PXDNL: variants seen among roughly 807,000 people sequenced by gnomAD.
PXDNL encodes the protein probable oxidoreductase PXDNL.
In PXDNL, 145 loss-of-function variants were observed where a neutral mutation model predicts 150.8. The observed-to-expected ratio is 0.96, with a 90% CI of 0.84 to 1.10. The LOEUF (loss-of-function observed/expected upper bound fraction) is 1.10. Among genes scored for constraint, PXDNL ranks in the 50% least tolerant of loss-of-function variants. The pLI is 0.00. For missense variants in PXDNL, 2,087 were observed against 1,873.9 expected (o/e 1.11, Z -2.10); for synonymous variants, 757 against 725.7 (o/e 1.04, Z -0.69).
intron 12 of PXDNL, among the ~76,000 whole-genome samples, chr8:51,445,866 G>A (rs1303319166): frequency 1.3e-5 from 2 of 151,966 alleles, no homozygotes; most frequent in Non-Finnish European, 1.5e-5. Context: ...GTTTGCCAGG[G>A]CACGTCATAG....
chr8:51,438,066 AAAAAT>A (rs1252658607), intron 12 of PXDNL, among the ~76,000 whole-genome samples: 3 of 152,216 alleles, frequency 2.0e-5, no homozygotes, highest in African/African-American at 4.8e-5. Flanking sequence ...AATAGCTGCA[AAAAAT>A]AAAATAAAAT....
chr8:51,744,001 GGA>G (rs1235628632), intron 1 of PXDNL, among the ~76,000 whole-genome samples: 3 of 117,428 alleles, frequency 2.6e-5, no homozygotes, highest in East Asian at 2.6e-4. Context: ...GAGAGAGAAA[GGA>G]GAGAGAGAGA....
intron 2 of PXDNL, among the ~76,000 whole-genome samples, chr8:51,634,619 GT>G (rs960223902): frequency 1.2e-4 from 19 of 152,130 alleles, no homozygotes; most frequent in South Asian, 6.2e-4. Context: ...AGCATGGACT[GT>G]TTTTCCATTT....
At chr8:51,764,323 C>A (rs555234808) in intron 1 of PXDNL, among the ~76,000 whole-genome samples, 1 of 148,398 alleles carries the variant, frequency 6.7e-6, no homozygotes, top group African/African-American at 2.5e-5. Context: ...CAGCTTTGAA[C>A]TTTATGATTT....
At chr8:51,592,595 A>ATAAG in intron 3 of PXDNL, 32 bp downstream of exon 3, 3 of 1,368,414 alleles carry the variant, frequency 2.2e-6, no homozygotes, top group Non-Finnish European at 3.0e-6. Context: ...AAACAACACC[A>ATAAG]TAAGGCATTG....
intron 4 of PXDNL, among the ~76,000 whole-genome samples, chr8:51,543,539 C>T (rs749314181): frequency 6.6e-6 from 1 of 151,516 alleles, no homozygotes; most frequent in African/African-American, 2.4e-5. Flanking sequence ...GGTGAAACCC[C>T]TTCTCTACTA....
At chr8:51,577,130 A>C (rs1437769217) in intron 3 of PXDNL, among the ~76,000 whole-genome samples, 1 of 151,910 alleles carries the variant, frequency 6.6e-6, no homozygotes, top group Non-Finnish European at 1.5e-5. Flanking sequence ...GAGAAAGAAT[A>C]CTTCTCGATT....
At chr8:51,444,629 G>A (rs1204930168) in intron 12 of PXDNL, among the ~76,000 whole-genome samples, 1 of 152,186 alleles carries the variant, frequency 6.6e-6, no homozygotes, top group Non-Finnish European at 1.5e-5. Context: ...TATAGTTAAG[G>A]AAGCTGATTC....
At chr8:51,640,308 G>C (rs574849213) in intron 2 of PXDNL, among the ~76,000 whole-genome samples, 38 of 152,122 alleles carry the variant, frequency 2.5e-4, no homozygotes, top group East Asian at 1.5e-3. Flanking sequence ...CAGGGATGCC[G>C]TCTCTCACCA....
At chr8:51,553,737 ATT>A (rs1368621012) in intron 4 of PXDNL, among the ~76,000 whole-genome samples, 1 of 115,280 alleles carries the variant, frequency 8.7e-6, no homozygotes, top group African/African-American at 4.8e-5. Context: ...ATTGTGAGGG[ATT>A]TTATATATAT....
intron 2 of PXDNL, among the ~76,000 whole-genome samples, chr8:51,644,006 C>T (rs1267503496): frequency 6.6e-6 from 1 of 151,568 alleles, no homozygotes; most frequent in Non-Finnish European, 1.5e-5. Context: ...ATTAGCCGGG[C>T]ATGGTGGCAG....
intron 5 of PXDNL, among the ~76,000 whole-genome samples, chr8:51,488,761 A>G (rs1336358339): frequency 6.6e-6 from 1 of 152,240 alleles, no homozygotes; most frequent in Non-Finnish European, 1.5e-5. Flanking sequence ...TCAAATATCA[A>G]TAGACAATGA....
At chr8:51,546,817 C>A (rs769686670) in intron 4 of PXDNL, among the ~76,000 whole-genome samples, 1 of 152,178 alleles carries the variant, frequency 6.6e-6, no homozygotes. Flanking sequence ...CGGGGCACAG[C>A]AGGAGTGAGA....
chr8:51,587,196 G>A (rs1458985367), intron 3 of PXDNL, among the ~76,000 whole-genome samples: 1 of 152,074 alleles, frequency 6.6e-6, no homozygotes, highest in Non-Finnish European at 1.5e-5. Flanking sequence ...TAAGTCAAAT[G>A]GTTAAAAATA....
chr8:51,596,391 A>G (rs1404015755), intron 2 of PXDNL, among the ~76,000 whole-genome samples: 2 of 152,050 alleles, frequency 1.3e-5, no homozygotes, highest in Admixed American at 6.6e-5. Flanking sequence ...GTAGAACGAT[A>G]TGTTTTCTTT....
rs79394014 is a variant in PXDNL, at chr8:51,453,596, C to T, written c.1172G>A (p.Arg391Gln). Residue 391 changes from arginine (R) to glutamine (Q), a missense_variant, in exon 10 of 23, where the codon CGG becomes CAG. Arg to Gln is a conservative substitution (Grantham distance 43, BLOSUM62 1). Transcript: ENST00000356297. ...ATGACAGGTAAATCGACCATGATCC[C>T]GTTGTGTGATGTTCTGTAAGTAAAG... ...SGLYLQNITQ[R>Q]DHGRFTCHAN... 0.017 allele frequency: 26,774 copies of T among 1,613,978 alleles called. 484 individuals carry two copies. Among genetic ancestry groups the T allele is most frequent in the East Asian group, 0.063 (2,812 of 44,872 alleles).
chr8:51,412,502 T>C (rs902896670), intron 15 of PXDNL, among the ~76,000 whole-genome samples: 1 of 152,184 alleles, frequency 6.6e-6, no homozygotes, highest in African/African-American at 2.4e-5. Context: ...AGAACACACA[T>C]GCATGATCAC....
chr8:51,434,145 G>A (rs1809330608), intron 12 of PXDNL, among the ~76,000 whole-genome samples: 1 of 152,096 alleles, frequency 6.6e-6, no homozygotes, highest in Admixed American at 6.5e-5. Flanking sequence ...ATCCATGAAG[G>A]AGTTGATGCT....
At chr8:51,520,514 C>A (rs3097708) in intron 4 of PXDNL, among the ~76,000 whole-genome samples, 57,349 of 151,696 alleles carry the variant, frequency 0.38, 12,545 homozygotes, top group African/African-American at 0.61. Flanking sequence ...CCCAAATCTC[C>A]TCGGAAGATC....
Sources: gnomAD v4.1 joint callset for allele counts (sites outside exome capture counted in the v4.1 genomes callset) on GRCh38, gnomAD v4.1.1 for gene constraint, MANE v1.5 for transcripts, NCBI Gene and HGNC (gene_info 2026-07-23, HGNC 2026-07-21) for gene names.